The following MYO18B variants were observed in gnomAD, a reference collection of about 807,000 sequenced individuals.
MYO18B encodes unconventional myosin-XVIIIb.
Under a neutral mutation model 273.0 loss-of-function variants are expected in MYO18B, and 204 were observed. That is an observed-to-expected ratio of 0.75 (90% CI 0.67 to 0.84). The LOEUF (loss-of-function observed/expected upper bound fraction) is 0.84, where lower values mean the gene tolerates loss of function less well. Among genes scored for constraint, MYO18B ranks in the 40% least tolerant of loss-of-function variants. MYO18B has a pLI of 0.00. For missense variants in MYO18B, 3,212 were observed against 3,287.6 expected, an observed-to-expected ratio of 0.98 and a Z score of 0.56; for synonymous variants, 1,330 against 1,305.7, an observed-to-expected ratio of 1.02 and a Z score of -0.40.
At chr22:25,820,693 T>C (rs1353874654) in intron 12 of MYO18B, among the ~76,000 whole-genome samples, 1 of 152,180 alleles carries the variant, frequency 6.6e-6, no homozygotes, top group Non-Finnish European at 1.5e-5. Flanking sequence ...ATATCCTCCT[T>C]CTAGCTATTT....
intron 34 of MYO18B, among the ~76,000 whole-genome samples, chr22:25,945,214 C>A (rs1229792956): frequency 6.6e-6 from 1 of 152,080 alleles, no homozygotes; most frequent in East Asian, 1.9e-4. Flanking sequence ...AACCCTGAAC[C>A]CTGGTTAAGA....
chr22:26,030,993 GATGA>G lies in MYO18B; in HGVS notation c.*576_*579del. ...ACAAGCATTCAAGAAACTGATGAATGATGAATGAATGAATGAGCCAAAGAACAAA... is the reference window on the plus strand; with the variant it reads ...ACAAGCATTCAAGAAACTGATGAATGATGAATGAATGAGCCAAAGAACAAA... On this transcript the variant is annotated 3_prime_UTR_variant, in exon 44 of 44. Transcript: ENST00000335473. The G allele has an allele frequency of 5.0e-6, 2 of 398,448 alleles. No individual in the cohort carries two copies. The highest frequency in any genetic ancestry group is 4.4e-6 in the Non-Finnish European group (1 of 226,020). 24.7% of individuals were successfully genotyped at this position (398,448 alleles called of 1,614,324 possible). A position where few individuals can be genotyped will look rare whatever the true frequency, so the allele number is the denominator to read the frequency against.
intron 14 of MYO18B, among the ~76,000 whole-genome samples, chr22:25,826,906 C>A (rs977088985): frequency 2.0e-5 from 3 of 151,988 alleles, no homozygotes; most frequent in Non-Finnish European, 4.4e-5. Context: ...CTAAAAATTA[C>A]AAAAATTAGC....
chr22:25,887,550 G>A (rs2091537722), intron 25 of MYO18B, among the ~76,000 whole-genome samples: 1 of 152,124 alleles, frequency 6.6e-6, no homozygotes, highest in African/African-American at 2.4e-5. Context: ...ATAATTTCTG[G>A]TTAATTGGTT....
intron 17 of MYO18B, among the ~76,000 whole-genome samples, chr22:25,837,902 A>G (rs531016062): frequency 2.0e-5 from 3 of 152,246 alleles, no homozygotes; most frequent in African/African-American, 7.2e-5. Context: ...TCAGGGGTAC[A>G]TGTGCAGGAT....
intron 42 of MYO18B, among the ~76,000 whole-genome samples, chr22:26,023,706 A>G (rs71321074): frequency 0.19 from 28,565 of 151,882 alleles, 3,534 homozygotes; most frequent in Non-Finnish European, 0.27. Flanking sequence ...CATCCAAGAC[A>G]CTCATTCATC....
intron 33 of MYO18B, among the ~76,000 whole-genome samples, chr22:25,918,683 T>TG (rs927348627): frequency 3.9e-5 from 6 of 152,192 alleles, no homozygotes; most frequent in African/African-American, 1.4e-4. Flanking sequence ...CTCTACTGCA[T>TG]GGTCAGTGTC....
In MYO18B at chr22:26,026,484, G is replaced by A. The variant is rs183363880; in HGVS notation, c.6510G>A (p.Ser2170=). Residue 2170 remains serine, a synonymous_variant, in exon 43 of 44, where the codon TCG becomes TCA. Transcript: ENST00000335473. ...CTGGGGACACTGAGAGGACCCAGTCGGCATTGGCACTGAGCAGAGCCCGGT... is the reference window on the plus strand; with the variant it reads ...CTGGGGACACTGAGAGGACCCAGTCAGCATTGGCACTGAGCAGAGCCCGGT... ...EEAGDTERTQ[S]ALALSRARST... 9.9e-6 allele frequency: 16 copies of A among 1,613,510 alleles called. No homozygotes were observed. Among genetic ancestry groups the A allele is most frequent in the Admixed American group, 8.3e-5 (5 of 60,006 alleles).
intron 25 of MYO18B, among the ~76,000 whole-genome samples, chr22:25,886,713 G>T (rs1229213297): frequency 6.6e-6 from 1 of 152,196 alleles, no homozygotes; most frequent in Non-Finnish European, 1.5e-5. Context: ...TGCCAGAGGG[G>T]TGAGGGAGGT....
At chr22:25,798,718 C>T (rs2088043063) in intron 12 of MYO18B, among the ~76,000 whole-genome samples, 1 of 151,988 alleles carries the variant, frequency 6.6e-6, no homozygotes, top group Non-Finnish European at 1.5e-5. Flanking sequence ...CACCCCCATG[C>T]CTGGTTAATA....
At position 25,781,801 on chromosome 22, in the gene MYO18B, C is replaced by T. The variant is rs1311036704; in HGVS notation, c.2279C>T (p.Ser760Phe). ...PEGESNFLVF[S>F]QMLAGLDLDL... is the part of the protein sequence containing the mutation. Reference sequence around the variant, plus strand: ...GGGGAAAGTAACTTCCTGGTTTTCTCCCAGATGCTGGCTGGATTGGACTTG... The same window carrying T: ...GGGGAAAGTAACTTCCTGGTTTTCTTCCAGATGCTGGCTGGATTGGACTTG... Residue 760 changes from serine (S) to phenylalanine (F), a missense_variant, in exon 10 of 44, where the codon TCC becomes TTC. By Grantham distance (155) the Ser-to-Phe change is radical. Transcript: ENST00000335473. 3 of 1,593,492 alleles carry T rather than the reference C, an allele frequency of 1.9e-6. No homozygotes were observed. The highest frequency in any genetic ancestry group is 3.5e-5 in the Admixed American group (2 of 56,606).
chr22:25,766,440 A>T (rs2086510166), intron 3 of MYO18B, among the ~76,000 whole-genome samples: 1 of 152,186 alleles, frequency 6.6e-6, no homozygotes, highest in East Asian at 1.9e-4. Flanking sequence ...CAGGAGAGAG[A>T]CACAAAAGCC....
chr22:25,788,351 C>G (rs2087489922), intron 11 of MYO18B, among the ~76,000 whole-genome samples: 1 of 152,182 alleles, frequency 6.6e-6, no homozygotes, highest in Admixed American at 6.5e-5. Flanking sequence ...GTTGCTAAGT[C>G]CCCAAGGCTG....
intron 42 of MYO18B, among the ~76,000 whole-genome samples, chr22:26,005,923 C>T (rs1464260065): frequency 2.0e-5 from 3 of 152,114 alleles, no homozygotes; most frequent in African/African-American, 7.2e-5. Context: ...AGACAGGCTC[C>T]AAGAATGGGT....
intron 7 of MYO18B, among the ~76,000 whole-genome samples, chr22:25,776,347 T>C (rs929149588): frequency 1.3e-5 from 2 of 152,160 alleles, no homozygotes; most frequent in Non-Finnish European, 2.9e-5. Flanking sequence ...AAAACCAGGA[T>C]AGCAATTTGG....
chr22:25,901,317 C>T (rs2091929597), intron 29 of MYO18B: 1 of 152,264 alleles, frequency 6.6e-6, no homozygotes, highest in Admixed American at 6.5e-5. Flanking sequence ...ATGGGACTTC[C>T]TGTTTGGGCC....
intron 21 of MYO18B, among the ~76,000 whole-genome samples, chr22:25,855,798 A>G (rs939706150): frequency 6.6e-6 from 1 of 151,642 alleles, no homozygotes; most frequent in African/African-American, 2.4e-5. Context: ...GAATGTACAA[A>G]TATCTCTTGA....
At chr22:25,931,780 T>C (rs2092506681) in intron 34 of MYO18B, among the ~76,000 whole-genome samples, 1 of 148,770 alleles carries the variant, frequency 6.7e-6, no homozygotes. Flanking sequence ...CATTTCAGGC[T>C]CAAGCAATCC....
chr22:25,829,319 G>C (rs75162487), intron 15 of MYO18B, among the ~76,000 whole-genome samples: 2 of 152,170 alleles, frequency 1.3e-5, no homozygotes, highest in Non-Finnish European at 2.9e-5. Flanking sequence ...TGCCCAGGGG[G>C]GGAATGCCCT....
Sources: allele counts gnomAD v4.1 joint callset (sites outside exome capture counted in the v4.1 genomes callset), GRCh38; gene constraint gnomAD v4.1.1; transcripts MANE v1.5; gene names NCBI Gene and HGNC (gene_info 2026-07-23, HGNC 2026-07-21).